The following FGF14 variants were observed in gnomAD, a reference collection of about 807,000 sequenced individuals.
FGF14 encodes the protein fibroblast growth factor homologous factor 4.
A neutral mutation model predicts 25.5 loss-of-function variants in FGF14; 5 were observed. That is an observed-to-expected ratio of 0.20 (90% confidence interval 0.10 to 0.41). FGF14 has a LOEUF of 0.41. Ranked by LOEUF, FGF14 falls within the 10% of genes least tolerant of loss-of-function variation. The probability of loss-of-function intolerance (pLI) is 1.00; values close to 1 mark genes in which losing one functional copy is unlikely to be tolerated. For missense variants in FGF14, 222 were observed against 320.1 expected, an observed-to-expected ratio of 0.69 and a Z score of 2.34; for synonymous variants, 138 against 118.3, an observed-to-expected ratio of 1.17 and a Z score of -1.08.
upstream of FGF14, among the ~76,000 whole-genome samples, chr13:101,920,578 T>C (rs537112224): frequency 6.6e-6 from 1 of 152,240 alleles, no homozygotes; most frequent in South Asian, 2.1e-4. Flanking sequence ...TGTATTATCA[T>C]CATCTTCCAG....
chr13:102,071,753 T>A (rs538097616), intron 1 of FGF14, among the ~76,000 whole-genome samples: 1 of 152,282 alleles, frequency 6.6e-6, no homozygotes, highest in East Asian at 1.9e-4. Flanking sequence ...ACCTACTGAG[T>A]AATGATATAG....
rs189724589 is a variant in FGF14 at position 102,212,635 on chromosome 13, T to C, written c.208+188836A>G. Reference sequence around the variant, plus strand: ...TACTCTGGGCACAGCTTTGGAAATATGCATTGAATGAAGAAAACAGGGAAT... The same window carrying C: ...TACTCTGGGCACAGCTTTGGAAATACGCATTGAATGAAGAAAACAGGGAAT... On this transcript the variant is annotated intron_variant, in intron 1 of 4. Transcript: ENST00000376131. Among the ~76,000 whole-genome samples, 1,458 of 152,352 alleles carry C rather than the reference T, an allele frequency of 9.6e-3. 9 individuals are homozygous for C. Among genetic ancestry groups the C allele is most frequent in the Non-Finnish European group, 0.015 (1,050 of 68,040 alleles).
At chr13:101,832,602 G>A (rs575622826) in intron 3 of FGF14, among the ~76,000 whole-genome samples, 1 of 152,076 alleles carries the variant, frequency 6.6e-6, no homozygotes, top group Admixed American at 6.6e-5. Context: ...CAAGAATTGA[G>A]AGAACCCAAG....
At chr13:102,077,234 G>A (rs377321055) in intron 1 of FGF14, among the ~76,000 whole-genome samples, 1 of 151,906 alleles carries the variant, frequency 6.6e-6, no homozygotes. Context: ...ACATTGCTCC[G>A]GGCAATAACA....
At position 102,392,432 on chromosome 13, in the gene FGF14, T is replaced by A. The variant is rs527887310; in HGVS notation, c.208+9039A>T. On this transcript the variant is annotated intron_variant, in intron 1 of 4. Transcript: ENST00000376131. The stretch of plus-strand genomic sequence containing the variant: ...TTTGGCATATCTTTATTGTAAAGCA[T>A]TTTTTCCCAGTCCTAAGGATTTTCG... Among the ~76,000 whole-genome samples the A allele has an allele frequency of 9.8e-5, 15 of 152,322 alleles. No homozygotes were observed. In the South Asian group the frequency reaches 1.5e-3, roughly 15 times the overall value.
In FGF14 at chr13:102,171,085, T is replaced by TA. The variant is rs200244445; in HGVS notation, c.208+230385dup. The stretch of plus-strand genomic sequence containing the variant: ...GATAATATCAATTTAAACCGTCCTG[T>TA]AAAAAAAGTCAAAAACTGGAGATAT... On this transcript the variant is annotated intron_variant, in intron 1 of 4. Transcript: ENST00000376131. Among the ~76,000 whole-genome samples, 3 of 152,084 alleles carry TA rather than the reference T, an allele frequency of 2.0e-5. No homozygotes were observed. In the South Asian group the frequency reaches 6.2e-4, roughly 32 times the overall value.
intron 1 of FGF14, among the ~76,000 whole-genome samples, chr13:102,146,663 C>T (rs1210599795): frequency 6.6e-6 from 1 of 152,160 alleles, no homozygotes; most frequent in Non-Finnish European, 1.5e-5. Flanking sequence ...AATCTCTTAA[C>T]ATCTAGGCCA....
chr13:102,342,137 G>A (rs1027688498), intron 1 of FGF14, among the ~76,000 whole-genome samples: 10 of 152,146 alleles, frequency 6.6e-5, no homozygotes, highest in Admixed American at 2.6e-4. Flanking sequence ...CATAAGTTAC[G>A]AGGGAGTTAT....
intron 1 of FGF14, among the ~76,000 whole-genome samples, chr13:102,233,227 T>A (rs2051164543): frequency 1.3e-5 from 2 of 152,106 alleles, no homozygotes; most frequent in Non-Finnish European, 1.5e-5. Flanking sequence ...CTCCGCCTCC[T>A]GGGTTCAAGC....
In FGF14 at chr13:101,916,820, C is replaced by G. The variant is rs2033561006; in HGVS notation, c.-175G>C. Among the ~76,000 whole-genome samples the G allele has an allele frequency of 6.6e-6, 1 of 152,136 alleles. No individual in the cohort carries two copies. The highest frequency in any genetic ancestry group is 1.5e-5 in the Non-Finnish European group (1 of 68,004). On this transcript the variant is annotated 5_prime_UTR_variant, in exon 1 of 5. Coordinates refer to ENST00000376143, the MANE Select transcript of FGF14 (RefSeq NM_004115.4). ...TCAGTCCTGACCGGGACCCATCGCC[C>G]TCTCCGCGGGGCGCGGGGCCAGGCG...
intron 1 of FGF14, among the ~76,000 whole-genome samples, chr13:102,032,665 A>T (rs1325288015): frequency 6.6e-6 from 1 of 152,104 alleles, no homozygotes; most frequent in Non-Finnish European, 1.5e-5. Context: ...TCAGTGTGAC[A>T]CAGTTTGGGG....
At chr13:101,903,151 G>T (rs1382749662) in intron 1 of FGF14, among the ~76,000 whole-genome samples, 1 of 152,034 alleles carries the variant, frequency 6.6e-6, no homozygotes, top group Non-Finnish European at 1.5e-5. Context: ...TTATCTACCA[G>T]AACTTCAGAC....
At chr13:101,785,103 T>C (rs2039729757) in intron 3 of FGF14, among the ~76,000 whole-genome samples, 2 of 152,240 alleles carry the variant, frequency 1.3e-5, no homozygotes, top group South Asian at 4.1e-4. Context: ...AGAAGTGCAG[T>C]CATTACATCT....
At chr13:102,281,488 C>T (rs184023231) in intron 1 of FGF14, among the ~76,000 whole-genome samples, 20 of 152,204 alleles carry the variant, frequency 1.3e-4, no homozygotes, top group Admixed American at 3.3e-4. Flanking sequence ...AAGCCCCTAC[C>T]GCTGTCAGTG....
At chr13:102,372,054 T>G (rs2057901240) in intron 1 of FGF14, among the ~76,000 whole-genome samples, 1 of 152,200 alleles carries the variant, frequency 6.6e-6, no homozygotes, top group Non-Finnish European at 1.5e-5. Context: ...TCTACTTTTC[T>G]TTATTGATAT....
At chr13:102,136,536 G>T (rs2046417150) in intron 1 of FGF14, among the ~76,000 whole-genome samples, 1 of 152,028 alleles carries the variant, frequency 6.6e-6, no homozygotes. Flanking sequence ...TGATTCAAAT[G>T]GCTTTAATTG....
At chr13:101,984,374 T>C (rs1002643796) in intron 1 of FGF14, among the ~76,000 whole-genome samples, 7 of 152,156 alleles carry the variant, frequency 4.6e-5, no homozygotes, top group African/African-American at 1.7e-4. Context: ...CATTAAACAA[T>C]ATTGATAAAT....
At chr13:101,801,539 G>C (rs1197464030) in intron 3 of FGF14, among the ~76,000 whole-genome samples, 1 of 152,074 alleles carries the variant, frequency 6.6e-6, no homozygotes, top group African/African-American at 2.4e-5. Flanking sequence ...TTGGCCCAGG[G>C]ATCATTTCTT....
chr13:101,996,045 G>A (rs922022704), intron 1 of FGF14, among the ~76,000 whole-genome samples: 1 of 152,068 alleles, frequency 6.6e-6, no homozygotes, highest in Non-Finnish European at 1.5e-5. Flanking sequence ...TGCTTGAGGG[G>A]ATGGACACCC....
Sources: allele counts gnomAD v4.1 joint callset (sites outside exome capture counted in the v4.1 genomes callset), GRCh38; gene constraint gnomAD v4.1.1; transcripts MANE v1.5; gene names NCBI Gene and HGNC (gene_info 2026-07-23, HGNC 2026-07-21).